The following GRM7 variants were observed in gnomAD, a reference collection of about 807,000 sequenced individuals.
The protein encoded by GRM7 is metabotropic glutamate receptor 7.
GRM7 carries 35 observed loss-of-function variants against 84.5 expected under a neutral mutation model. The observed-to-expected ratio is 0.41, with a 90% CI of 0.32 to 0.55. The LOEUF (loss-of-function observed/expected upper bound fraction) is 0.55, where lower values mean the gene tolerates loss of function less well. GRM7 is among the 20% of genes least tolerant of loss of function. GRM7 has a pLI of 0.19. For missense variants in GRM7, 1,003 were observed against 1,194.6 expected (o/e 0.84, Z 2.36); for synonymous variants, 487 against 455.1 (o/e 1.07, Z -0.89).
At chr3:7,165,024 C>T (rs1694753949) in intron 2 of GRM7, among the ~76,000 whole-genome samples, 1 of 152,224 alleles carries the variant, frequency 6.6e-6, no homozygotes, top group African/African-American at 2.4e-5. Flanking sequence ...CTGTACATTT[C>T]ACCATGAAGA....
chr3:7,191,932 A>G (rs1695723320), intron 2 of GRM7, among the ~76,000 whole-genome samples: 1 of 152,088 alleles, frequency 6.6e-6, no homozygotes, highest in Non-Finnish European at 1.5e-5. Flanking sequence ...CCCTATTAAT[A>G]TTTCTTACCA....
intron 4 of GRM7, among the ~76,000 whole-genome samples, chr3:7,316,282 A>G (rs888319953): frequency 2.0e-5 from 3 of 152,096 alleles, no homozygotes; most frequent in East Asian, 3.9e-4. Flanking sequence ...AAAGTAAGAG[A>G]CCATTGTAGG....
chr3:7,031,348 A>G (rs1696175367), intron 1 of GRM7, among the ~76,000 whole-genome samples: 1 of 151,994 alleles, frequency 6.6e-6, no homozygotes, highest in African/African-American at 2.4e-5. Flanking sequence ...CCCCACCGTG[A>G]ACTTCCTTGA....
chr3:7,073,696 G>T (rs1404417720), intron 1 of GRM7, among the ~76,000 whole-genome samples: 1 of 152,028 alleles, frequency 6.6e-6, no homozygotes, highest in Non-Finnish European at 1.5e-5. Context: ...AATTTTATTG[G>T]GACTTTAACA....
intron 8 of GRM7, among the ~76,000 whole-genome samples, chr3:7,657,112 C>T (rs950075726): frequency 2.0e-5 from 3 of 152,114 alleles, no homozygotes; most frequent in Non-Finnish European, 2.9e-5. Context: ...TTTCCACAAT[C>T]CCGATGTTCT....
intron 1 of GRM7, among the ~76,000 whole-genome samples, chr3:7,110,148 T>C (rs887758007): frequency 1.4e-4 from 22 of 152,214 alleles, no homozygotes; most frequent in Admixed American, 3.3e-4. Context: ...TGGAAAATCA[T>C]TTAATAGCCA....
rs538895834 is a variant in GRM7 at position 6,957,511 on chromosome 3, C to G, written c.519+95604C>G. 4.6e-5 allele frequency among the ~76,000 whole-genome samples: 7 copies of G among 152,330 alleles called. 1 individual carries two copies. The South Asian group carries it at 6.2e-4, about 14-fold the overall frequency. On this transcript the variant is annotated intron_variant, in intron 1 of 9. Coordinates refer to ENST00000357716, the MANE Select transcript of GRM7 (RefSeq NM_000844.4). ...TTGTAGTGTCCCATAGGCAGCACAT[C>G]TTGCATAAAATATTTTAAACTGTAT...
intron 8 of GRM7, chr3:7,591,507 C>T: frequency 2.3e-6 from 1 of 441,580 alleles, no homozygotes; most frequent in South Asian, 1.7e-5. Flanking sequence ...AATAACTTTT[C>T]ACCCAGTAGT....
intron 2 of GRM7, among the ~76,000 whole-genome samples, chr3:7,197,158 T>G (rs565037744): frequency 6.6e-6 from 1 of 152,150 alleles, no homozygotes; most frequent in African/African-American, 2.4e-5. Flanking sequence ...TCTGGTGACA[T>G]TGATGCTTTT....
chr3:7,400,111 G>A (rs1250309442), intron 4 of GRM7, among the ~76,000 whole-genome samples: 4 of 152,080 alleles, frequency 2.6e-5, no homozygotes, highest in Non-Finnish European at 5.9e-5. Flanking sequence ...AAGAATATAG[G>A]CTTTGAAGTA....
In GRM7 at chr3:7,188,229, G is replaced by A. The variant is rs1156309334; in HGVS notation, c.736+41561G>A. Among the ~76,000 whole-genome samples the A allele has an allele frequency of 6.6e-6, 1 of 152,116 alleles. No homozygotes were observed. Among genetic ancestry groups the A allele is most frequent in the Non-Finnish European group, 1.5e-5 (1 of 68,026 alleles). On this transcript the variant is annotated intron_variant, in intron 2 of 9. Transcript: ENST00000357716. The surrounding 1 kb of genome is among the most constrained non-coding windows in gnomAD (Gnocchi z 4.2). ...TCACTGGCAGCAAGAGGGAAGATCAGCATTATCAGCCTGCAGAAGAGCCAA... is the reference window on the plus strand; with the variant it reads ...TCACTGGCAGCAAGAGGGAAGATCAACATTATCAGCCTGCAGAAGAGCCAA...
intron 1 of GRM7, among the ~76,000 whole-genome samples, chr3:7,070,009 C>A (rs1309966543): frequency 6.6e-6 from 1 of 151,988 alleles, no homozygotes; most frequent in Non-Finnish European, 1.5e-5. Flanking sequence ...AAACCAAGTC[C>A]CCTTCTAGGG....
At chr3:7,319,120 C>G (rs908238171) in intron 4 of GRM7, among the ~76,000 whole-genome samples, 2 of 151,918 alleles carry the variant, frequency 1.3e-5, no homozygotes, top group African/African-American at 4.8e-5. Flanking sequence ...TTTAAAGGAA[C>G]CCATGATTAA....
chr3:7,394,693 A>T (rs1437201323), intron 4 of GRM7, among the ~76,000 whole-genome samples: 2 of 151,900 alleles, frequency 1.3e-5, no homozygotes, highest in African/African-American at 4.8e-5. Flanking sequence ...GCAACTTCGT[A>T]TTGTCTTATT....
intron 5 of GRM7, among the ~76,000 whole-genome samples, chr3:7,427,491 A>C (rs1696658929): frequency 6.6e-6 from 1 of 152,142 alleles, no homozygotes; most frequent in East Asian, 1.9e-4. Flanking sequence ...CTCTTCCTGC[A>C]AATACCTATT....
At chr3:6,951,845 A>G (rs1460333118) in intron 1 of GRM7, among the ~76,000 whole-genome samples, 1 of 152,110 alleles carries the variant, frequency 6.6e-6, no homozygotes, top group Non-Finnish European at 1.5e-5. Flanking sequence ...TATTCTCTTA[A>G]TTATTGTGCT....
chr3:6,978,099 G>T (rs1416236524), intron 1 of GRM7, among the ~76,000 whole-genome samples: 2 of 152,094 alleles, frequency 1.3e-5, no homozygotes, highest in African/African-American at 4.8e-5. Context: ...TTTGAAGTGA[G>T]AACATCATAG....
At chr3:7,101,239 A>T (rs990441771) in intron 1 of GRM7, among the ~76,000 whole-genome samples, 1 of 151,742 alleles carries the variant, frequency 6.6e-6, no homozygotes, top group African/African-American at 2.4e-5. Flanking sequence ...GAGAGTTCCA[A>T]TTGCACCACA....
chr3:7,328,699 T>G (rs1188160745), intron 4 of GRM7, among the ~76,000 whole-genome samples: 1 of 152,232 alleles, frequency 6.6e-6, no homozygotes, highest in Non-Finnish European at 1.5e-5. Context: ...CTTTAAGGTC[T>G]GTGAGTCACT....
Sources: gnomAD v4.1 joint callset for allele counts (sites outside exome capture counted in the v4.1 genomes callset) on GRCh38, gnomAD v4.1.1 for gene constraint, Gnocchi (gnomAD v3.1) non-coding constraint, MANE v1.5 for transcripts, NCBI Gene and HGNC (gene_info 2026-07-23, HGNC 2026-07-21) for gene names.